Variants in NWD2 observed in about 807,000 individuals in gnomAD.
The protein encoded by NWD2 is NACHT and WD repeat domain containing 2.
In NWD2, 37 loss-of-function variants were observed where a neutral mutation model predicts 132.7. The observed-to-expected ratio is 0.28, with a 90% CI of 0.21 to 0.37. NWD2 has a LOEUF of 0.37. NWD2 is among the 10% of genes least tolerant of loss of function. The probability of loss-of-function intolerance (pLI) is 1.00; values close to 1 mark genes in which losing one functional copy is unlikely to be tolerated. For missense variants in NWD2, 1,592 were observed against 2,122.4 expected, an observed-to-expected ratio of 0.75 and a Z score of 4.91; for synonymous variants, 705 against 803.0, an observed-to-expected ratio of 0.88 and a Z score of 2.06.
intron 1 of NWD2, among the ~76,000 whole-genome samples, chr4:37,273,533 G>A (rs897514763): frequency 5.3e-5 from 8 of 152,008 alleles, no homozygotes; most frequent in African/African-American, 1.4e-4. Flanking sequence ...GAGACAGAAA[G>A]TTAACAAGGA....
At chr4:37,287,573 A>G (rs1247009255) in intron 1 of NWD2, among the ~76,000 whole-genome samples, 1 of 152,130 alleles carries the variant, frequency 6.6e-6, no homozygotes, top group Non-Finnish European at 1.5e-5. Flanking sequence ...ATCCTTCCAC[A>G]CTGGGTAGGG....
intron 2 of NWD2, among the ~76,000 whole-genome samples, chr4:37,343,449 A>G (rs1020801657): frequency 1.3e-5 from 2 of 152,194 alleles, no homozygotes; most frequent in Non-Finnish European, 1.5e-5. Context: ...TATGTGTTAT[A>G]TATGTAAAGG....
chr4:37,256,045 G>A (rs1210079991), intron 1 of NWD2, among the ~76,000 whole-genome samples: 1 of 152,230 alleles, frequency 6.6e-6, no homozygotes, highest in African/African-American at 2.4e-5. Flanking sequence ...GACATATCCT[G>A]GAAGTCGGGT....
chr4:37,442,947 C>A (rs149333800), intron 6 of NWD2, among the ~76,000 whole-genome samples: 1 of 151,882 alleles, frequency 6.6e-6, no homozygotes, highest in African/African-American at 2.4e-5. Context: ...TTCAGTGATA[C>A]AAAGCTGACC....
intron 1 of NWD2, among the ~76,000 whole-genome samples, chr4:37,286,286 C>T (rs949870443): frequency 6.6e-6 from 1 of 152,100 alleles, no homozygotes; most frequent in African/African-American, 2.4e-5. Context: ...CTGAAATTCC[C>T]AAAATATCCT....
Position 37,286,255 on chromosome 4 carries a change from T to A in NWD2, c.152-39681T>A, listed in dbSNP as rs938190916. ...CATCCTTACTTTCTTAGCACTTCTG[T>A]TAACAGTAACAGTAATGATGCTGAA... On this transcript the variant is annotated intron_variant, in intron 1 of 6. Transcript: ENST00000309447. Among the ~76,000 whole-genome samples, 5 of 152,208 alleles carry A rather than the reference T, an allele frequency of 3.3e-5. No individual in the cohort carries two copies. In the East Asian group the frequency reaches 5.8e-4, roughly 18 times the overall value.
At chr4:37,415,894 T>C (rs1038659717) in intron 3 of NWD2, among the ~76,000 whole-genome samples, 2 of 152,180 alleles carry the variant, frequency 1.3e-5, no homozygotes, top group African/African-American at 4.8e-5. Flanking sequence ...CTCCGTCAAG[T>C]TCTCAGGCCC....
chr4:37,314,372 A>G (rs1020088502), intron 1 of NWD2, among the ~76,000 whole-genome samples: 5 of 152,304 alleles, frequency 3.3e-5, no homozygotes, highest in Non-Finnish European at 4.4e-5. Flanking sequence ...TTTTGTCTTT[A>G]TATAATTTAC....
intron 3 of NWD2, among the ~76,000 whole-genome samples, chr4:37,375,786 C>G (rs1182531058): frequency 6.6e-6 from 1 of 152,124 alleles, no homozygotes; most frequent in Non-Finnish European, 1.5e-5. Flanking sequence ...CCAGGATGGT[C>G]TCGATCTCCT....
At chr4:37,425,759 A>G (rs1338366342) in intron 3 of NWD2, among the ~76,000 whole-genome samples, 1 of 152,200 alleles carries the variant, frequency 6.6e-6, no homozygotes, top group Admixed American at 6.5e-5. Flanking sequence ...AATTGGGGTC[A>G]GAAGGATGTG....
chr4:37,288,123 A>G (rs1718274941), intron 1 of NWD2, among the ~76,000 whole-genome samples: 1 of 152,142 alleles, frequency 6.6e-6, no homozygotes, highest in Non-Finnish European at 1.5e-5. Context: ...GAACACATGG[A>G]CACAGGGAGG....
intron 2 of NWD2, among the ~76,000 whole-genome samples, chr4:37,350,096 G>A (rs1356497759): frequency 6.6e-6 from 1 of 152,170 alleles, no homozygotes; most frequent in East Asian, 1.9e-4. Flanking sequence ...TAGCCTTGTA[G>A]TATAGTTTGA....
At chr4:37,251,978 C>T (rs772918477) in intron 1 of NWD2, among the ~76,000 whole-genome samples, 11 of 152,080 alleles carry the variant, frequency 7.2e-5, no homozygotes, top group African/African-American at 9.7e-5. Context: ...ACATATGTGA[C>T]GAGCACTGTG....
intron 3 of NWD2, among the ~76,000 whole-genome samples, chr4:37,394,229 T>C (rs1720734895): frequency 6.6e-6 from 1 of 152,254 alleles, no homozygotes; most frequent in African/African-American, 2.4e-5. Flanking sequence ...GTTTTCATCG[T>C]AAGATTCTTC....
At chr4:37,317,521 G>A (rs972266110) in intron 1 of NWD2, among the ~76,000 whole-genome samples, 24 of 152,188 alleles carry the variant, frequency 1.6e-4, no homozygotes, top group African/African-American at 5.8e-4. Flanking sequence ...CGATGATGTT[G>A]ATTGACTTTC....
intron 3 of NWD2, among the ~76,000 whole-genome samples, chr4:37,407,897 A>G (rs1721077367): frequency 6.6e-6 from 1 of 152,130 alleles, no homozygotes; most frequent in Non-Finnish European, 1.5e-5. Context: ...CAGAAGCAGG[A>G]TGGGGTGTCG....
At chr4:37,394,700 C>T (rs972009385) in intron 3 of NWD2, among the ~76,000 whole-genome samples, 3 of 150,552 alleles carry the variant, frequency 2.0e-5, no homozygotes, top group Non-Finnish European at 4.4e-5. Flanking sequence ...GCAGTAGAGA[C>T]GTATCCACGT....
At chr4:37,320,790 G>T (rs1389536114) in intron 1 of NWD2, among the ~76,000 whole-genome samples, 3 of 152,172 alleles carry the variant, frequency 2.0e-5, no homozygotes, top group African/African-American at 7.2e-5. Flanking sequence ...TGGAAACCAT[G>T]CTAACAGGAC....
chr4:37,403,076 A>C (rs1164133783), intron 3 of NWD2, among the ~76,000 whole-genome samples: 2 of 152,152 alleles, frequency 1.3e-5, no homozygotes, highest in South Asian at 4.1e-4. Flanking sequence ...TACTAGAAGA[A>C]AAGGTGTGGA....
Sources: gnomAD v4.1 joint callset for allele counts (sites outside exome capture counted in the v4.1 genomes callset) on GRCh38, gnomAD v4.1.1 for gene constraint, MANE v1.5 for transcripts, NCBI Gene and HGNC (gene_info 2026-07-23, HGNC 2026-07-21) for gene names.